The following ROBO2 variants were observed in gnomAD, a reference collection of about 807,000 sequenced individuals.
ROBO2 encodes the protein roundabout homolog 2.
ROBO2 carries 53 observed loss-of-function variants against 160.8 expected under a neutral mutation model. The observed-to-expected ratio is 0.33, with a 90% confidence interval of 0.26 to 0.41. The LOEUF is 0.41. Among genes scored for constraint, ROBO2 ranks in the 10% least tolerant of loss-of-function variants. The probability of loss-of-function intolerance (pLI) is 1.00; values close to 1 mark genes in which losing one functional copy is unlikely to be tolerated. For synonymous variants in ROBO2, 664 were observed against 611.7 expected, an observed-to-expected ratio of 1.09 and a Z score of -1.26; for missense variants, 1,577 against 1,722.4, an observed-to-expected ratio of 0.92 and a Z score of 1.49.
At chr3:76,806,301 T>C (rs1238895139) in intron 2 of ROBO2, among the ~76,000 whole-genome samples, 1 of 151,680 alleles carries the variant, frequency 6.6e-6, no homozygotes, top group African/African-American at 2.4e-5. Flanking sequence ...TTGAAATTCT[T>C]GTCCTGCTTC....
At chr3:76,063,082 C>T (rs2068119912) in intron 2 of ROBO2, among the ~76,000 whole-genome samples, 1 of 152,130 alleles carries the variant, frequency 6.6e-6, no homozygotes, top group Non-Finnish European at 1.5e-5. Flanking sequence ...TGTCACATAT[C>T]AGCTCATTTA....
chr3:76,397,405 T>A (rs1316672619), intron 2 of ROBO2, among the ~76,000 whole-genome samples: 2 of 152,104 alleles, frequency 1.3e-5, no homozygotes, highest in Non-Finnish European at 2.9e-5. Flanking sequence ...ATTCAGGACA[T>A]AGGCATGGGC....
At chr3:77,628,686 GTA>G (rs2095090081) in intron 23 of ROBO2, among the ~76,000 whole-genome samples, 1 of 152,114 alleles carries the variant, frequency 6.6e-6, no homozygotes. Context: ...TAACCAAACT[GTA>G]GAGGAAGGGA....
chr3:76,379,314 A>G (rs2076505108), intron 2 of ROBO2, among the ~76,000 whole-genome samples: 1 of 152,088 alleles, frequency 6.6e-6, no homozygotes, highest in African/African-American at 2.4e-5. Flanking sequence ...AGAAGTTTAT[A>G]AATACTTGAA....
intron 2 of ROBO2, among the ~76,000 whole-genome samples, chr3:77,418,796 G>A (rs1018146721): frequency 6.6e-6 from 1 of 152,012 alleles, no homozygotes; most frequent in African/African-American, 2.4e-5. Flanking sequence ...ATAAACTATG[G>A]GAGCACCTAG....
chr3:76,079,989 A>G (rs2068768935), intron 2 of ROBO2, among the ~76,000 whole-genome samples: 3 of 152,344 alleles, frequency 2.0e-5, no homozygotes, highest in Middle Eastern at 3.4e-3. Flanking sequence ...GCAGGAATAC[A>G]TAAGAATGAG....
At chr3:76,218,663 A>G (rs1703734811) in intron 2 of ROBO2, among the ~76,000 whole-genome samples, 1 of 152,192 alleles carries the variant, frequency 6.6e-6, no homozygotes, top group Admixed American at 6.5e-5. Context: ...GAAATAAAAG[A>G]CGATACAAAC....
intron 2 of ROBO2, among the ~76,000 whole-genome samples, chr3:76,638,349 A>C (rs973535766): frequency 2.0e-5 from 3 of 152,160 alleles, no homozygotes; most frequent in Non-Finnish European, 4.4e-5. Context: ...AAAATATTGG[A>C]AGGGCAAAAT....
Position 76,744,846 on chromosome 3 carries a change from G to C in ROBO2, c.110-353168G>C, listed in dbSNP as rs147504638. Among the ~76,000 whole-genome samples the C allele has an allele frequency of 6.5e-3, 992 of 152,254 alleles. 6 individuals are homozygous for C. The highest frequency in any genetic ancestry group is 0.024 in the Middle Eastern group (7 of 294). ...AAAGTATAATATTTTAGCTTGAAAA[G>C]AATTTGTGCTATGAACAAAATGTGT... On this transcript the variant is annotated intron_variant, in intron 2 of 26. Transcript: ENST00000487694.
At chr3:76,785,694 T>C (rs944073193) in intron 2 of ROBO2, among the ~76,000 whole-genome samples, 1 of 151,250 alleles carries the variant, frequency 6.6e-6, no homozygotes, top group Non-Finnish European at 1.5e-5. Flanking sequence ...TGTTTACATA[T>C]GACACTATCC....
intron 6 of ROBO2, among the ~76,000 whole-genome samples, chr3:77,532,957 C>T (rs1441852779): frequency 6.6e-6 from 1 of 152,034 alleles, no homozygotes; most frequent in African/African-American, 2.4e-5. Flanking sequence ...CATTTTCTGT[C>T]ATGAATTAAA....
intron 2 of ROBO2, among the ~76,000 whole-genome samples, chr3:75,940,799 G>A (rs1390385030): frequency 2.0e-5 from 3 of 152,136 alleles, no homozygotes; most frequent in Admixed American, 6.6e-5. Context: ...TAATAAGCAT[G>A]GGTGTAATTA....
At chr3:76,207,516 T>C (rs1163586013) in intron 2 of ROBO2, among the ~76,000 whole-genome samples, 1 of 152,312 alleles carries the variant, frequency 6.6e-6, no homozygotes, top group African/African-American at 2.4e-5. Context: ...TCAATTAATA[T>C]ATTTAAAAAT....
intron 2 of ROBO2, among the ~76,000 whole-genome samples, chr3:76,243,333 A>G (rs1041042663): frequency 6.6e-6 from 1 of 152,164 alleles, no homozygotes; most frequent in African/African-American, 2.4e-5. Context: ...GCCCTGCCGT[A>G]ACTCCCTCAG....
At chr3:76,170,095 TA>T (rs756817055) in intron 2 of ROBO2, among the ~76,000 whole-genome samples, 9 of 152,158 alleles carry the variant, frequency 5.9e-5, no homozygotes, top group Non-Finnish European at 1.0e-4. Flanking sequence ...TAAGGATTTT[TA>T]AAAAATTTTT....
chr3:76,396,343 A>G (rs984463080), intron 2 of ROBO2, among the ~76,000 whole-genome samples: 6 of 152,186 alleles, frequency 3.9e-5, no homozygotes, highest in African/African-American at 1.4e-4. Flanking sequence ...AGAGCTATCT[A>G]TGACAAACCC....
In ROBO2 at chr3:76,236,749, T is replaced by TTAGG. The variant is rs1207851722; in HGVS notation, c.109+299149_109+299152dup. Among the ~76,000 whole-genome samples, 7 of 152,212 alleles carry TTAGG rather than the reference T, an allele frequency of 4.6e-5. No homozygotes were observed. In the East Asian group the frequency reaches 9.7e-4, roughly 21 times the overall value. On this transcript the variant is annotated intron_variant, in intron 2 of 26. Coordinates refer to the ROBO2 transcript ENST00000487694. ...TTCCTTTAAAGAAAAAAATACATGA[T>TTAGG]TAGGTTTTCTGAATTAAACATGATA...
chr3:76,882,152 G>T (rs772151755), intron 2 of ROBO2, among the ~76,000 whole-genome samples: 44 of 151,268 alleles, frequency 2.9e-4, no homozygotes, highest in Non-Finnish European at 4.3e-4. Flanking sequence ...TGGTTGGGGG[G>T]GTGTGTGTGC....
At chr3:77,237,411 T>TGTGTGTGTG (rs1553862752) in intron 2 of ROBO2, among the ~76,000 whole-genome samples, 15 of 131,046 alleles carry the variant, frequency 1.1e-4, no homozygotes, top group Non-Finnish European at 1.8e-4. Flanking sequence ...TTGTTTTGTT[T>TGTGTGTGTG]TGTGTGTGTG....
Sources: allele counts gnomAD v4.1 joint callset (sites outside exome capture counted in the v4.1 genomes callset), GRCh38; gene constraint gnomAD v4.1.1; transcripts MANE v1.5; gene names NCBI Gene and HGNC (gene_info 2026-07-23, HGNC 2026-07-21).